Variants in SMC2 observed in about 807,000 individuals in gnomAD.
The protein encoded by SMC2 is structural maintenance of chromosomes 2.
SMC2 carries 41 observed loss-of-function variants against 142.6 expected under a neutral mutation model. The ratio of observed to expected loss-of-function variants is 0.29; its 90% confidence interval spans 0.22 to 0.37. The LOEUF is 0.37. SMC2 is among the 10% of genes least tolerant of loss of function. The pLI is 1.00. For synonymous variants in SMC2, 463 were observed against 457.5 expected, an observed-to-expected ratio of 1.01 and a Z score of -0.15; for missense variants, 1,265 against 1,373.7, an observed-to-expected ratio of 0.92 and a Z score of 1.25.
intron 1 of SMC2, 120 bp from the exon 2 acceptor site, chr9:104,095,204 A>G (rs1830319061): frequency 5.4e-6 from 3 of 557,694 alleles, no homozygotes; most frequent in Non-Finnish European, 3.2e-6. Flanking sequence ...ACATCAGACA[A>G]GATAGTTTGT....
chr9:104,135,677 A>G (rs1835449081), intron 23 of SMC2, among the ~76,000 whole-genome samples: 1 of 152,232 alleles, frequency 6.6e-6, no homozygotes, highest in South Asian at 2.1e-4. Context: ...GAAGAATCCT[A>G]AAAGCAGCTA....
At position 104,100,168 on chromosome 9, in the gene SMC2, GA is replaced by G; in HGVS notation, c.563del (p.Lys188ArgfsTer5). The part of the protein sequence containing the change: ...YKKIAAQKTI[E>X]KKEAKLKEIK... Reference sequence around the variant, plus strand: ...AAAAATAGCTGCACAGAAAACTATAGAAAAAAAGGAGGCTAAGCTGAAAGAA... The same window carrying G: ...AAAAATAGCTGCACAGAAAACTATAGAAAAAAGGAGGCTAAGCTGAAAGAA... On this transcript the variant is annotated frameshift_variant, in exon 6 of 25. Transcript: ENST00000374793. LOFTEE classifies it high-confidence loss of function. The G allele has an allele frequency of 5.1e-6, 8 of 1,572,444 alleles. No homozygotes were observed. The Admixed American group carries it at 6.4e-5, about 13-fold the overall frequency.
At chr9:104,132,194 A>G in intron 22 of SMC2, 69 bp downstream of exon 22, 2 of 808,100 alleles carry the variant, frequency 2.5e-6, no homozygotes, top group South Asian at 1.6e-5. Context: ...GTTATACTCT[A>G]TAAGAAATTT....
intron 14 of SMC2, 65 bp downstream of exon 14, chr9:104,116,384 C>T: frequency 6.9e-7 from 1 of 1,451,800 alleles, no homozygotes; most frequent in Non-Finnish European, 9.2e-7. Context: ...AGTTAGAAGA[C>T]ATTAATTTTG....
At chr9:104,136,772 T>G (rs76903069) in intron 23 of SMC2, among the ~76,000 whole-genome samples, 1 of 149,062 alleles carries the variant, frequency 6.7e-6, no homozygotes, top group Non-Finnish European at 1.5e-5. Context: ...TTTTTTTTTT[T>G]GGCTAGCAAT....
At chr9:104,118,076 AG>A (rs1258041496) in intron 14 of SMC2, 94 bp from the exon 15 acceptor site, 2 of 875,612 alleles carry the variant, frequency 2.3e-6, no homozygotes, top group African/African-American at 3.4e-5. Context: ...GTATTATTTA[AG>A]TTTCTATTAC....
At position 104,140,977 on chromosome 9, in the gene SMC2, G is replaced by C. The variant is rs146608146; in HGVS notation, c.*1662G>C. 1 of 152,132 alleles carries C rather than the reference G, an allele frequency of 6.6e-6. No homozygotes were observed. The highest frequency in any genetic ancestry group is 2.4e-5 in the African/African-American group (1 of 41,436). 9.4% of individuals were successfully genotyped at this position (152,132 alleles called of 1,614,324 possible). A position where few individuals can be genotyped will look rare whatever the true frequency, so the allele number is the denominator to read the frequency against. On this transcript the variant is annotated 3_prime_UTR_variant, in exon 25 of 25. Coordinates refer to ENST00000374793, the MANE Select transcript of SMC2 (RefSeq NM_006444.3). ...TTTCTCTGCTAAAAATGTTTTGCTT[G>C]TGTGCGTTCCTGATTTTTGTCTTGT... is the stretch of plus-strand genomic sequence containing the variant.
intron 9 of SMC2, among the ~76,000 whole-genome samples, chr9:104,104,921 C>A (rs573169874): frequency 2.0e-5 from 3 of 152,308 alleles, no homozygotes; most frequent in South Asian, 4.1e-4. Flanking sequence ...CTGACTCAGC[C>A]CAGGATCCTA....
rs777211104 is a variant in SMC2, at chr9:104,125,137, T to G, written c.2451+32T>G. ...ACTTCTTTTTGAAATTGAACCAACC[T>G]TTTAAAGTCAACATAGAGCTGAAGG... is the stretch of plus-strand genomic sequence containing the variant. On this transcript the variant is annotated intron_variant, in intron 18 of 24. Coordinates refer to ENST00000374793, the MANE Select transcript of SMC2 (RefSeq NM_006444.3). 6.7e-6 allele frequency: 10 copies of G among 1,489,484 alleles called. No individual in the cohort carries two copies. In the South Asian group the frequency reaches 1.3e-4, roughly 19 times the overall value. The allele number at this position is 1,489,484 out of a possible 1,614,324, so 92.3% of individuals were successfully genotyped here.
rs538748432 is a variant in SMC2, at chr9:104,102,335, A to C, written c.871-89A>C. 2.3e-6 allele frequency: 3 copies of C among 1,284,410 alleles called. No homozygotes were observed. The South Asian group carries it at 4.5e-5, about 19-fold the overall frequency. 79.6% of individuals were successfully genotyped at this position (1,284,410 alleles called of 1,614,324 possible). A position where few individuals can be genotyped will look rare whatever the true frequency, so the allele number is the denominator to read the frequency against. On this transcript the variant is annotated intron_variant, in intron 8 of 24. Coordinates refer to ENST00000374793, the MANE Select transcript of SMC2 (RefSeq NM_006444.3). ...TAGTAAGATAATGAAATAACTTATA[A>C]AAAAGTGTTTGATACAGAACTCATA...
At chr9:104,094,535 C>T in intron 1 of SMC2, 58 bp downstream of exon 1, 2 of 229,520 alleles carry the variant, frequency 8.7e-6, no homozygotes, top group East Asian at 1.5e-4. Flanking sequence ...TGGCGGGAGG[C>T]GGGAGGCGGG....
At chr9:104,133,658 C>T (rs906232259) in intron 22 of SMC2, among the ~76,000 whole-genome samples, 2 of 152,058 alleles carry the variant, frequency 1.3e-5, no homozygotes, top group Non-Finnish European at 2.9e-5. Context: ...CCCAAATCAT[C>T]AATCAAGTGC....
chr9:104,119,844 G>C (rs2131446010), intron 15 of SMC2, among the ~76,000 whole-genome samples, 183 bp from the exon 16 acceptor site: 1 of 152,252 alleles, frequency 6.6e-6, no homozygotes, highest in Non-Finnish European at 1.5e-5. Flanking sequence ...ACAACCTCTT[G>C]GATCTGTTAT....
chr9:104,098,876 G>A (rs1023638023), intron 4 of SMC2, among the ~76,000 whole-genome samples: 7 of 149,016 alleles, frequency 4.7e-5, no homozygotes, highest in African/African-American at 1.7e-4. Flanking sequence ...TTAAATTATT[G>A]GATTAATGCA....
intron 11 of SMC2, 45 bp downstream of exon 11, chr9:104,113,520 A>T (rs1832727077): frequency 1.4e-6 from 2 of 1,448,298 alleles, no homozygotes; most frequent in Admixed American, 2.5e-5. Flanking sequence ...GGAGGTAGTG[A>T]TTTTTGATAA....
At chr9:104,091,871 TGC>T (rs1829986221), upstream of SMC2, among the ~76,000 whole-genome samples, 1 of 146,224 alleles carries the variant, frequency 6.8e-6, no homozygotes, top group Non-Finnish European at 1.5e-5. Context: ...GTACTGATGA[TGC>T]CTTCCATATA....
chr9:104,107,002 G>A (rs7872210), intron 9 of SMC2, among the ~76,000 whole-genome samples: 8,619 of 152,160 alleles, frequency 0.057, 655 homozygotes, highest in African/African-American at 0.18. Context: ...AGAATCTTAG[G>A]ACCCGGGGAG....
At position 104,111,661 on chromosome 9, in the gene SMC2, T is replaced by C; in HGVS notation, c.1101T>C (p.Asn367=). ...TGCATGCCCTTCAAGAAGCAAGTAA[T>C]AAAGATGCTGAAGCTCTGGCAGCTG... is the stretch of plus-strand genomic sequence containing the variant. ...DGLHALQEAS[N]KDAEALAAAQ... is the part of the protein sequence containing the mutation. The change falls in exon 10 of 25, where the codon AAT becomes AAC. Residue 367 remains asparagine (N), a synonymous_variant. Coordinates refer to ENST00000374793, the MANE Select transcript of SMC2 (RefSeq NM_006444.3). 2.5e-6 allele frequency: 4 copies of C among 1,614,040 alleles called. No individual in the cohort carries two copies. The highest frequency in any genetic ancestry group is 3.4e-6 in the Non-Finnish European group (4 of 1,179,922).
chr9:104,094,404 G>C lies in SMC2; in HGVS notation c.-135G>C, dbSNP rs1389362797. The C allele has an allele frequency of 2.5e-6, 1 of 398,894 alleles. No individual in the cohort carries two copies. The allele number at this position is 398,894 out of a possible 1,614,324, so 24.7% of individuals were successfully genotyped here. ...TCGCTTTGTAGCGGCCCCGGCTAGA[G>C]AGTTGTTCTGTTCCCTGCCTTTGTG... On this transcript the variant is annotated 5_prime_UTR_variant, in exon 1 of 25. Coordinates refer to ENST00000374793, the MANE Select transcript of SMC2 (RefSeq NM_006444.3).
Sources: allele counts gnomAD v4.1 joint callset (sites outside exome capture counted in the v4.1 genomes callset), GRCh38; gene constraint gnomAD v4.1.1; transcripts MANE v1.5; gene names NCBI Gene and HGNC (gene_info 2026-07-23, HGNC 2026-07-21).